Variants in RANBP2 observed in about 807,000 individuals in gnomAD.
RANBP2 encodes the protein RAN binding protein 2.
Under a neutral mutation model 303.6 loss-of-function variants are expected in RANBP2, and 57 were observed. The observed-to-expected ratio is 0.19, with a 90% CI of 0.15 to 0.23. The LOEUF (loss-of-function observed/expected upper bound fraction) is 0.23. Ranked by LOEUF, RANBP2 falls within the 10% of genes least tolerant of loss-of-function variation. RANBP2 has a pLI of 1.00. For missense variants in RANBP2, 3,138 were observed against 3,780.8 expected, an observed-to-expected ratio of 0.83 and a Z score of 4.46; for synonymous variants, 1,167 against 1,301.5, an observed-to-expected ratio of 0.90 and a Z score of 2.23.
the RANBP2 span, among the ~76,000 whole-genome samples, chr2:109,434,489 G>A: frequency 6.6e-6 from 1 of 152,220 alleles, no homozygotes; most frequent in African/African-American, 2.4e-5. Context: ...GGCAACTCCT[G>A]ACGTGTGTCA....
At chr2:109,735,430 C>G in the RANBP2 span, among the ~76,000 whole-genome samples, 1 of 152,054 alleles carries the variant, frequency 6.6e-6, no homozygotes, top group African/African-American at 2.4e-5. Context: ...AGGTTGATAT[C>G]ATATCTTGGC....
chr2:109,123,085 T>C, the RANBP2 span, among the ~76,000 whole-genome samples: 1 of 152,106 alleles, frequency 6.6e-6, no homozygotes, highest in Non-Finnish European at 1.5e-5. Context: ...ATCACACAGC[T>C]GGGAGATCAT....
At chr2:108,843,899 T>C in the RANBP2 span, among the ~76,000 whole-genome samples, 2 of 144,732 alleles carry the variant, frequency 1.4e-5, 1 homozygote. Context: ...TTTTTTTTTT[T>C]TTTTTTTTTG....
chr2:108,910,611 C>A, the RANBP2 span: 1 of 1,431,476 alleles, frequency 7.0e-7, no homozygotes, highest in South Asian at 1.2e-5. Flanking sequence ...CCCTGCTCTT[C>A]CTGTTGGGCA....
the RANBP2 span, among the ~76,000 whole-genome samples, chr2:109,091,213 G>A: frequency 9.2e-5 from 14 of 151,964 alleles, no homozygotes; most frequent in East Asian, 2.7e-3. Context: ...CTGGACAACA[G>A]AGCAAGATTC....
the RANBP2 span, among the ~76,000 whole-genome samples, chr2:108,808,905 G>A: frequency 5.9e-5 from 9 of 151,980 alleles, no homozygotes; most frequent in African/African-American, 1.5e-4. Flanking sequence ...GGCGATTGTC[G>A]TGAACTATTT....
At chr2:109,386,466 T>C in the RANBP2 span, among the ~76,000 whole-genome samples, 109,775 of 152,110 alleles carry the variant, frequency 0.72, 39,805 homozygotes, top group Middle Eastern at 0.83. Context: ...AGTGCAGTTA[T>C]AAACAATAGC....
the RANBP2 span, chr2:109,615,364 G>A: frequency 1.2e-6 from 2 of 1,612,932 alleles, no homozygotes; most frequent in Non-Finnish European, 1.7e-6. Context: ...TGCGAGCCCG[G>A]CCTGCTGGTC....
the RANBP2 span, chr2:109,501,581 C>T: frequency 2.6e-6 from 2 of 779,778 alleles, no homozygotes; most frequent in South Asian, 2.7e-5. Context: ...TCTTTGTGCA[C>T]AAGAAGCGTG....
the RANBP2 span, among the ~76,000 whole-genome samples, chr2:109,578,222 C>T: frequency 1.3e-5 from 2 of 151,824 alleles, no homozygotes; most frequent in Non-Finnish European, 2.9e-5. Flanking sequence ...AGGAATTACA[C>T]GATCAAATAA....
chr2:109,310,343 T>C, the RANBP2 span, among the ~76,000 whole-genome samples: 1 of 38,916 alleles, frequency 2.6e-5, no homozygotes, highest in Non-Finnish European at 4.2e-5. Flanking sequence ...TTCAAAGCAG[T>C]GTGTAGAGGG....
the RANBP2 span, among the ~76,000 whole-genome samples, chr2:109,327,081 G>A: frequency 2.0e-5 from 3 of 152,218 alleles, no homozygotes; most frequent in Non-Finnish European, 4.4e-5. Context: ...TTTAAATGTT[G>A]TTCCACTGAA....
the RANBP2 span, among the ~76,000 whole-genome samples, chr2:109,518,446 G>A: frequency 2.0e-5 from 3 of 152,194 alleles, no homozygotes; most frequent in Admixed American, 2.0e-4. Context: ...CAGCCAGCCA[G>A]CAACTTAACT....
At chr2:108,786,339 C>A (rs944465416), downstream of RANBP2, among the ~76,000 whole-genome samples, 2 of 151,324 alleles carry the variant, frequency 1.3e-5, no homozygotes, top group Non-Finnish European at 2.9e-5. Flanking sequence ...AAGCAATGCT[C>A]CCGCCTCAGC....
the RANBP2 span, among the ~76,000 whole-genome samples, chr2:109,193,571 G>A: frequency 6.6e-6 from 1 of 152,134 alleles, no homozygotes; most frequent in African/African-American, 2.4e-5. Flanking sequence ...CACCCATGTG[G>A]TATGTGCCAT....
the RANBP2 span, among the ~76,000 whole-genome samples, chr2:109,611,694 G>A: frequency 6.6e-6 from 1 of 152,172 alleles, no homozygotes; most frequent in Admixed American, 6.5e-5. Context: ...CCAGGAGATT[G>A]AGGCTGAGGT....
chr2:109,312,297 C>T, the RANBP2 span, among the ~76,000 whole-genome samples: 1 of 152,144 alleles, frequency 6.6e-6, no homozygotes, highest in Non-Finnish European at 1.5e-5. Context: ...GAATGAGCTT[C>T]CCACTCGAGG....
chr2:109,173,347 A>T, the RANBP2 span, among the ~76,000 whole-genome samples: 2 of 152,136 alleles, frequency 1.3e-5, no homozygotes, highest in African/African-American at 2.4e-5. Context: ...CCCGTTATCA[A>T]CCGAGCCGTC....
chr2:109,294,282 C>T, the RANBP2 span, among the ~76,000 whole-genome samples: 1 of 152,088 alleles, frequency 6.6e-6, no homozygotes, highest in African/African-American at 2.4e-5. Flanking sequence ...AATTGCTGTG[C>T]CGTGTGCGGT....
Sources: allele counts gnomAD v4.1 joint callset (sites outside exome capture counted in the v4.1 genomes callset), GRCh38; gene constraint gnomAD v4.1.1; transcripts MANE v1.5; gene names NCBI Gene and HGNC (gene_info 2026-07-23, HGNC 2026-07-21).